Variants in C8orf34 observed in about 807,000 individuals in gnomAD.
C8orf34 encodes chromosome 8 open reading frame 34, also known as uncharacterized protein C8orf34.
In C8orf34, 65 loss-of-function variants were observed where a neutral mutation model predicts 68.3. The observed-to-expected ratio is 0.95, with a 90% CI of 0.78 to 1.17. The LOEUF (loss-of-function observed/expected upper bound fraction) is 1.17, where lower values mean the gene tolerates loss of function less well. C8orf34 is among the 50% of genes most tolerant of loss of function. The pLI, the probability that C8orf34 is intolerant of heterozygous loss-of-function variation, is 0.00. For missense variants in C8orf34, 664 were observed against 655.4 expected, an observed-to-expected ratio of 1.01 and a Z score of -0.14; for synonymous variants, 244 against 241.2, an observed-to-expected ratio of 1.01 and a Z score of -0.11.
At chr8:68,479,845 T>C (rs1812783357) in intron 4 of C8orf34, among the ~76,000 whole-genome samples, 2 of 152,114 alleles carry the variant, frequency 1.3e-5, no homozygotes, top group African/African-American at 2.4e-5. Flanking sequence ...AGGATGAAAA[T>C]TGGTATGTGC....
At chr8:68,514,499 G>A (rs1407900936) in intron 5 of C8orf34, among the ~76,000 whole-genome samples, 1 of 152,170 alleles carries the variant, frequency 6.6e-6, no homozygotes, top group African/African-American at 2.4e-5. Context: ...TCTGGACTTG[G>A]ATTTCCCTTC....
intron 1 of C8orf34, among the ~76,000 whole-genome samples, chr8:68,339,051 A>T (rs2138678): frequency 0.41 from 61,891 of 151,558 alleles, 12,791 homozygotes; most frequent in Non-Finnish European, 0.44. Flanking sequence ...GCCCATTTTT[A>T]TTTGGGTTGT....
chr8:68,350,059 G>T (rs1373235956), intron 1 of C8orf34, among the ~76,000 whole-genome samples: 1 of 151,732 alleles, frequency 6.6e-6, no homozygotes, highest in Non-Finnish European at 1.5e-5. Context: ...ATGAAGTTAG[G>T]TTGTTAATTT....
At chr8:68,731,605 T>A (rs565248570) in intron 10 of C8orf34, among the ~76,000 whole-genome samples, 1 of 152,316 alleles carries the variant, frequency 6.6e-6, no homozygotes, top group East Asian at 1.9e-4. Flanking sequence ...TTTCCCACTA[T>A]GGTTTTGTTA....
intron 7 of C8orf34, among the ~76,000 whole-genome samples, chr8:68,568,942 C>G (rs1816683658): frequency 6.6e-6 from 1 of 152,164 alleles, no homozygotes; most frequent in Admixed American, 6.5e-5. Flanking sequence ...AATAAGGAAA[C>G]AAGTAAGCAT....
intron 7 of C8orf34, among the ~76,000 whole-genome samples, chr8:68,638,351 G>T: frequency 6.9e-6 from 1 of 145,880 alleles, no homozygotes. Context: ...GCTAAATATT[G>T]ATATTTTATA....
In C8orf34 at chr8:68,743,749, G is replaced by A. The variant is rs564027053; in HGVS notation, c.1404+22312G>A. 1.6e-4 allele frequency among the ~76,000 whole-genome samples: 25 copies of A among 152,248 alleles called. 1 individual carries two copies. The highest frequency in any genetic ancestry group is 1.5e-3 in the South Asian group (7 of 4,826). ...GAGGGTCCTACGCCCACGGAGTCTC[G>A]CTGATTGCTAGCACAGCAGTCTGAG... On this transcript the variant is annotated intron_variant, in intron 10 of 13. Transcript: ENST00000518698.
intron 12 of C8orf34, chr8:68,792,203 A>C (rs1275442263): frequency 6.6e-6 from 1 of 152,164 alleles, no homozygotes; most frequent in Non-Finnish European, 1.5e-5. Context: ...TGCTAAAAAC[A>C]CTAGAATTAG....
chr8:68,657,906 G>A (rs1375725116), intron 8 of C8orf34, among the ~76,000 whole-genome samples: 1 of 152,124 alleles, frequency 6.6e-6, no homozygotes, highest in Non-Finnish European at 1.5e-5. Flanking sequence ...AGTTTTCCTG[G>A]CTCGATGGCC....
chr8:68,666,529 C>CA (rs2130827187), intron 8 of C8orf34, among the ~76,000 whole-genome samples: 1 of 152,222 alleles, frequency 6.6e-6, no homozygotes, highest in Non-Finnish European at 1.5e-5. Context: ...GATGTGTATA[C>CA]AAAAAACAAA....
chr8:68,403,449 T>C (rs936722801), intron 1 of C8orf34, among the ~76,000 whole-genome samples: 2 of 152,168 alleles, frequency 1.3e-5, no homozygotes, highest in Non-Finnish European at 2.9e-5. Context: ...GTTTGTTACA[T>C]AGGTATACAC....
At chr8:68,505,623 C>T (rs867531972) in intron 5 of C8orf34, among the ~76,000 whole-genome samples, 1 of 130,886 alleles carries the variant, frequency 7.6e-6, no homozygotes, top group Non-Finnish European at 1.5e-5. Context: ...CCCAGCTACT[C>T]GGGAGGCTGA....
At chr8:68,386,444 T>C (rs772349440) in intron 1 of C8orf34, among the ~76,000 whole-genome samples, 18 of 152,324 alleles carry the variant, frequency 1.2e-4, no homozygotes, top group Admixed American at 5.2e-4. Context: ...TATGAAAGGC[T>C]GTTGTATAAA....
chr8:68,478,595 G>C (rs1434972108), intron 4 of C8orf34, among the ~76,000 whole-genome samples: 1 of 152,138 alleles, frequency 6.6e-6, no homozygotes, highest in Admixed American at 6.6e-5. Flanking sequence ...AGAAATGCCT[G>C]AGACTGGGTA....
chr8:68,728,384 T>A (rs1821891366), intron 10 of C8orf34, among the ~76,000 whole-genome samples: 1 of 152,188 alleles, frequency 6.6e-6, no homozygotes, highest in Admixed American at 6.5e-5. Context: ...CATTTTCCTG[T>A]CTTCTTCTGA....
chr8:68,558,260 C>A (rs909926558), intron 7 of C8orf34, among the ~76,000 whole-genome samples: 1 of 152,030 alleles, frequency 6.6e-6, no homozygotes, highest in African/African-American at 2.4e-5. Context: ...GTGTGAACAC[C>A]ATTTTAAGAA....
chr8:68,563,787 GAT>G (rs1341526178), intron 7 of C8orf34, among the ~76,000 whole-genome samples: 1 of 152,142 alleles, frequency 6.6e-6, no homozygotes, highest in Non-Finnish European at 1.5e-5. Context: ...TGAGGAAAGA[GAT>G]ATATAATCGA....
chr8:68,446,941 T>C (rs1192900851), intron 3 of C8orf34: 3 of 154,680 alleles, frequency 1.9e-5, no homozygotes, highest in African/African-American at 7.2e-5. Context: ...CTATATTCTC[T>C]TCACTACTAC....
At chr8:68,512,732 C>G (rs79065636) in intron 5 of C8orf34, among the ~76,000 whole-genome samples, 1 of 151,582 alleles carries the variant, frequency 6.6e-6, no homozygotes, top group South Asian at 2.1e-4. Flanking sequence ...TTAAAGCAGT[C>G]CTTTAACCCT....
Sources: gnomAD v4.1 joint callset for allele counts (sites outside exome capture counted in the v4.1 genomes callset) on GRCh38, gnomAD v4.1.1 for gene constraint, MANE v1.5 for transcripts, NCBI Gene and HGNC (gene_info 2026-07-23, HGNC 2026-07-21) for gene names.